LRRC37A2: variants seen among roughly 807,000 people sequenced by gnomAD.
LRRC37A2 encodes the protein leucine rich repeat containing 37 member A2.
A neutral mutation model predicts 68.8 loss-of-function variants in LRRC37A2; 9 were observed. The ratio of observed to expected loss-of-function variants is 0.13; its 90% CI spans 0.08 to 0.23. The LOEUF is 0.23. Among genes scored for constraint, LRRC37A2 ranks in the 10% least tolerant of loss-of-function variants. The pLI, the probability that LRRC37A2 is intolerant of heterozygous loss-of-function variation, is 1.00. For synonymous variants in LRRC37A2, 63 were observed against 367.6 expected, an observed-to-expected ratio of 0.17 and a Z score of 9.48; for missense variants, 168 against 950.4, an observed-to-expected ratio of 0.18 and a Z score of 10.82.
the LRRC37A2 span, among the ~76,000 whole-genome samples, chr17:46,746,890 G>C: frequency 1.3e-5 from 2 of 152,142 alleles, no homozygotes; most frequent in South Asian, 4.1e-4. Flanking sequence ...GATCTGGAGA[G>C]GTGCCATACT....
chr17:46,726,583 G>T, the LRRC37A2 span: 1 of 1,614,000 alleles, frequency 6.2e-7, no homozygotes, highest in South Asian at 1.1e-5. Context: ...CAGCTCAGTT[G>T]TGTGGTTGTG....
chr17:46,986,971 G>A, the LRRC37A2 span, among the ~76,000 whole-genome samples: 3 of 151,940 alleles, frequency 2.0e-5, no homozygotes, highest in East Asian at 1.9e-4. Flanking sequence ...GCAGGCCAGG[G>A]GGGGTGGCTC....
At chr17:46,494,462 C>G in the LRRC37A2 span, among the ~76,000 whole-genome samples, 1 of 149,134 alleles carries the variant, frequency 6.7e-6, no homozygotes, top group East Asian at 2.0e-4. Context: ...TGAAAGCAGT[C>G]ATAGACAATA....
the LRRC37A2 span, among the ~76,000 whole-genome samples, chr17:46,737,518 T>C: frequency 0.78 from 118,823 of 151,762 alleles, 50,294 homozygotes; most frequent in Non-Finnish European, 0.97. Flanking sequence ...CAAGGGTGGC[T>C]GCACTCACCC....
chr17:46,883,109 G>C, the LRRC37A2 span, among the ~76,000 whole-genome samples: 3 of 151,862 alleles, frequency 2.0e-5, no homozygotes, highest in Non-Finnish European at 4.4e-5. Context: ...CTCCCGAGTA[G>C]CTGGGACTCC....
the LRRC37A2 span, among the ~76,000 whole-genome samples, chr17:46,729,858 T>G: frequency 6.6e-6 from 1 of 151,250 alleles, no homozygotes; most frequent in Admixed American, 6.6e-5. Context: ...TTTTCTGGAG[T>G]TTTTTTTTAA....
chr17:46,785,846 A>AAGGGAGGGAAGGGGTGTGG, the LRRC37A2 span, among the ~76,000 whole-genome samples: 1 of 151,910 alleles, frequency 6.6e-6, no homozygotes, highest in African/African-American at 2.4e-5. Context: ...GAGAAAAGGG[A>AAGGGAGGGAAGGGGTGTGG]AGGGAGGGAA....
chr17:46,874,188 G>C, the LRRC37A2 span, among the ~76,000 whole-genome samples: 1 of 152,130 alleles, frequency 6.6e-6, no homozygotes, highest in Non-Finnish European at 1.5e-5. Flanking sequence ...ACACCCAGCA[G>C]AGAGGAGTGT....
chr17:46,610,041 C>CTTTCTT, the LRRC37A2 span, among the ~76,000 whole-genome samples: 16 of 118,738 alleles, frequency 1.3e-4, 2 homozygotes, highest in South Asian at 5.3e-4. Context: ...CTCTCTCTCT[C>CTTTCTT]TCTTTCTTTC....
At chr17:46,500,960 A>G in the LRRC37A2 span, among the ~76,000 whole-genome samples, 2 of 151,296 alleles carry the variant, frequency 1.3e-5, no homozygotes, top group Admixed American at 1.3e-4. Context: ...CGGGTGGATC[A>G]CCTGAGGTGA....
the LRRC37A2 span, among the ~76,000 whole-genome samples, chr17:47,004,899 T>G: frequency 1.3e-5 from 2 of 152,220 alleles, no homozygotes; most frequent in Non-Finnish European, 2.9e-5. Context: ...ATATTTACCT[T>G]CTGGGGTAAT....
the LRRC37A2 span, among the ~76,000 whole-genome samples, chr17:46,995,016 G>A: frequency 2.0e-5 from 3 of 152,162 alleles, no homozygotes; most frequent in Non-Finnish European, 4.4e-5. Flanking sequence ...CCAGCTACTG[G>A]GGAGGCTGAG....
chr17:46,543,772 T>C (rs1233764044), intron 8 of LRRC37A2, among the ~76,000 whole-genome samples: 1 of 150,896 alleles, frequency 6.6e-6, no homozygotes, highest in Non-Finnish European at 1.5e-5. Context: ...TTCCCAGCCA[T>C]CCTAAGGCTT....
the LRRC37A2 span, among the ~76,000 whole-genome samples, chr17:46,392,409 T>TTC: frequency 0.26 from 12,720 of 49,232 alleles, 5,001 homozygotes; most frequent in East Asian, 0.99. Context: ...CTTTCTTTCT[T>TTC]TCTCTCTCTC....
chr17:46,849,909 G>A, the LRRC37A2 span, among the ~76,000 whole-genome samples: 7 of 151,294 alleles, frequency 4.6e-5, no homozygotes, highest in African/African-American at 9.7e-5. Context: ...GTGCAATGGC[G>A]TGATTTCGGC....
the LRRC37A2 span, among the ~76,000 whole-genome samples, chr17:46,988,509 A>G: frequency 6.6e-6 from 1 of 152,226 alleles, no homozygotes; most frequent in Admixed American, 6.5e-5. Flanking sequence ...TAAAAAGGCA[A>G]TGATGCAGGT....
At chr17:46,839,035 G>T in the LRRC37A2 span, among the ~76,000 whole-genome samples, 1 of 152,006 alleles carries the variant, frequency 6.6e-6, no homozygotes, top group Non-Finnish European at 1.5e-5. Context: ...CCGCCACCAT[G>T]CCCAGCTAAT....
At chr17:46,758,550 A>C in the LRRC37A2 span, among the ~76,000 whole-genome samples, 2 of 152,216 alleles carry the variant, frequency 1.3e-5, no homozygotes, top group African/African-American at 4.8e-5. Context: ...GATGTTTTTG[A>C]GATCAAAACC....
the LRRC37A2 span, among the ~76,000 whole-genome samples, chr17:46,898,044 G>C: frequency 6.6e-6 from 1 of 152,150 alleles, no homozygotes; most frequent in South Asian, 2.1e-4. Flanking sequence ...TGTCCTGGAG[G>C]AGGTTGTATG....
Sources: gnomAD v4.1 joint callset for allele counts (sites outside exome capture counted in the v4.1 genomes callset) on GRCh38, gnomAD v4.1.1 for gene constraint, MANE v1.5 for transcripts, NCBI Gene and HGNC (gene_info 2026-07-23, HGNC 2026-07-21) for gene names.